SLC24A3: variants seen among roughly 807,000 people sequenced by gnomAD.
The protein encoded by SLC24A3 is sodium/potassium/calcium exchanger 3.
Under a neutral mutation model 75.8 loss-of-function variants are expected in SLC24A3, and 28 were observed. The ratio of observed to expected loss-of-function variants is 0.37; its 90% CI spans 0.27 to 0.51. SLC24A3 has a LOEUF of 0.51. SLC24A3 is among the 20% of genes least tolerant of loss of function. SLC24A3 has a pLI of 0.94. For missense variants in SLC24A3, 663 were observed against 847.8 expected (o/e 0.78, Z 2.71); for synonymous variants, 372 against 334.1 (o/e 1.11, Z -1.24).
At chr20:19,311,075 T>G (rs1984444908) in intron 2 of SLC24A3, among the ~76,000 whole-genome samples, 1 of 151,984 alleles carries the variant, frequency 6.6e-6, no homozygotes, top group African/African-American at 2.4e-5. Flanking sequence ...CTTCCTTTTT[T>G]CCTTCCTTGC....
chr20:19,539,474 C>T (rs761416106), intron 3 of SLC24A3, among the ~76,000 whole-genome samples: 8 of 152,172 alleles, frequency 5.3e-5, no homozygotes, highest in Non-Finnish European at 1.2e-4. Flanking sequence ...GCCTGCAATT[C>T]TGCTGACTAA....
intron 1 of SLC24A3, among the ~76,000 whole-genome samples, chr20:19,233,135 A>G (rs948260501): frequency 6.6e-6 from 1 of 152,236 alleles, no homozygotes; most frequent in Admixed American, 6.5e-5. Context: ...TAACAAAGCA[A>G]GAAGGAAAAA....
At chr20:19,494,594 C>G (rs1232085744) in intron 2 of SLC24A3, among the ~76,000 whole-genome samples, 1 of 152,086 alleles carries the variant, frequency 6.6e-6, no homozygotes, top group Non-Finnish European at 1.5e-5. Context: ...TGGGGGTGCA[C>G]ATTGTTTTTG....
At chr20:19,673,751 T>C (rs2032494407) in intron 9 of SLC24A3, 97 bp downstream of exon 9, 3 of 1,002,076 alleles carry the variant, frequency 3.0e-6, no homozygotes, top group Non-Finnish European at 4.6e-6. Flanking sequence ...TCTGACTGGT[T>C]TTTCAGTGTG....
chr20:19,516,589 C>T (rs1299956338), intron 3 of SLC24A3, among the ~76,000 whole-genome samples: 2 of 152,212 alleles, frequency 1.3e-5, no homozygotes, highest in Non-Finnish European at 2.9e-5. Flanking sequence ...GGGTTTCTCT[C>T]TCCCATGCCT....
chr20:19,394,517 GA>G (rs1389336271), intron 2 of SLC24A3, among the ~76,000 whole-genome samples: 1 of 151,980 alleles, frequency 6.6e-6, no homozygotes, highest in Non-Finnish European at 1.5e-5. Flanking sequence ...AAGCAAATGA[GA>G]AAACCCAAAT....
Position 19,668,675 on chromosome 20 carries a change from G to A in SLC24A3, c.713+2786G>A, listed in dbSNP as rs988722094. ...AGATTCTTTCACCATTCCTGAAGCA[G>A]CATTCTGCAGGAAGTCACATTCAGT... On this transcript the variant is annotated intron_variant, in intron 8 of 16. Transcript: ENST00000328041. 7.2e-5 allele frequency among the ~76,000 whole-genome samples: 11 copies of A among 152,354 alleles called. 1 individual carries two copies. Among genetic ancestry groups the A allele is most frequent in the Admixed American group, 2.0e-4 (3 of 15,304 alleles).
rs747572475 is a variant in SLC24A3, at chr20:19,506,923, A to T, written c.272-8565A>T. ...GAACGAGACAAAAATTCAAAAGATG[A>T]TCTAAGAACAGACTGGTTCCCTGGA... On this transcript the variant is annotated intron_variant, in intron 2 of 16. Coordinates refer to ENST00000328041, the MANE Select transcript of SLC24A3 (RefSeq NM_020689.4). 2.6e-5 allele frequency among the ~76,000 whole-genome samples: 4 copies of T among 152,342 alleles called. No individual in the cohort carries two copies. In the East Asian group the frequency reaches 5.8e-4, roughly 22 times the overall value.
chr20:19,526,450 G>T (rs1200293051), intron 3 of SLC24A3, among the ~76,000 whole-genome samples: 3 of 152,200 alleles, frequency 2.0e-5, no homozygotes, highest in African/African-American at 7.2e-5. Flanking sequence ...ACAAGGAAAT[G>T]TTAGCTCTCA....
At chr20:19,715,406 G>C (rs1264189142) in intron 15 of SLC24A3, among the ~76,000 whole-genome samples, 1 of 152,154 alleles carries the variant, frequency 6.6e-6, no homozygotes, top group Non-Finnish European at 1.5e-5. Context: ...GAATTAACCA[G>C]GTTAAGCCAT....
chr20:19,393,261 G>C (rs1336901475), intron 2 of SLC24A3, among the ~76,000 whole-genome samples: 2 of 152,052 alleles, frequency 1.3e-5, no homozygotes, highest in East Asian at 1.9e-4. Flanking sequence ...GGCCATTCAG[G>C]GTACTCGAGG....
intron 2 of SLC24A3, among the ~76,000 whole-genome samples, chr20:19,509,879 C>T (rs1049226289): frequency 5.9e-5 from 9 of 152,234 alleles, no homozygotes; most frequent in African/African-American, 1.2e-4. Flanking sequence ...GCCAAAGCCA[C>T]ACTTTGGAAA....
chr20:19,348,805 T>A (rs1985495746), intron 2 of SLC24A3, among the ~76,000 whole-genome samples: 1 of 152,180 alleles, frequency 6.6e-6, no homozygotes. Context: ...GTAAGCTTTG[T>A]CAGTCTGTGC....
Position 19,354,509 on chromosome 20 carries a change from T to A in SLC24A3, c.271+73422T>A, listed in dbSNP as rs1985637163. 2.6e-5 allele frequency among the ~76,000 whole-genome samples: 4 copies of A among 152,194 alleles called. No individual in the cohort carries two copies. The South Asian group carries it at 8.3e-4, about 32-fold the overall frequency. On this transcript the variant is annotated intron_variant, in intron 2 of 16. Transcript: ENST00000328041. ...GTAAATTATACCTCAATAAAATTCATTTTTCAAAAAGCACCTAGAAGCATG... is the reference window on the plus strand; with the variant it reads ...GTAAATTATACCTCAATAAAATTCAATTTTCAAAAAGCACCTAGAAGCATG...
intron 13 of SLC24A3, among the ~76,000 whole-genome samples, chr20:19,696,015 C>CTTTTCTTTTTTTT (rs1555807706): frequency 9.3e-6 from 1 of 108,074 alleles, no homozygotes; most frequent in African/African-American, 3.6e-5. Context: ...TTTTCCTTTT[C>CTTTTCTTTTTTTT]TTTTTTTTTT....
chr20:19,556,101 G>A (rs1400668246), intron 3 of SLC24A3, among the ~76,000 whole-genome samples: 1 of 152,016 alleles, frequency 6.6e-6, no homozygotes, highest in Admixed American at 6.6e-5. Flanking sequence ...CTTTTATAAG[G>A]ATATTGATCC....
chr20:19,688,805 A>G (rs2032711388), intron 12 of SLC24A3, among the ~76,000 whole-genome samples: 1 of 152,210 alleles, frequency 6.6e-6, no homozygotes, highest in African/African-American at 2.4e-5. Flanking sequence ...GTGAGTTCAT[A>G]TATGTACATA....
chr20:19,654,022 A>G lies in SLC24A3; in HGVS notation c.613-40A>G, dbSNP rs758095340. 9.7e-6 allele frequency: 15 copies of G among 1,548,056 alleles called. No individual in the cohort carries two copies. In the African/African-American group the frequency reaches 2.0e-4, roughly 21 times the overall value. Reference sequence around the variant, plus strand: ...AAGAGTCCCGCCATCTCATTTGTACAGTCTATATCCTGTTTGACTTTGTTT... The same window carrying G: ...AAGAGTCCCGCCATCTCATTTGTACGGTCTATATCCTGTTTGACTTTGTTT... On this transcript the variant is annotated intron_variant, in intron 6 of 16. Transcript: ENST00000328041.
intron 1 of SLC24A3, among the ~76,000 whole-genome samples, chr20:19,271,057 A>C (rs1983316275): frequency 6.6e-6 from 1 of 152,182 alleles, no homozygotes; most frequent in Admixed American, 6.5e-5. Flanking sequence ...CATCACAAGA[A>C]AGGCAGGCTT....
Sources: allele counts gnomAD v4.1 joint callset (sites outside exome capture counted in the v4.1 genomes callset), GRCh38; gene constraint gnomAD v4.1.1; transcripts MANE v1.5; gene names NCBI Gene and HGNC (gene_info 2026-07-23, HGNC 2026-07-21).